AQR: variants seen among roughly 807,000 people sequenced by gnomAD.
AQR encodes the protein RNA helicase aquarius.
A neutral mutation model predicts 180.5 loss-of-function variants in AQR; 61 were observed. That is an observed-to-expected ratio of 0.34 (90% CI 0.28 to 0.42). The LOEUF (loss-of-function observed/expected upper bound fraction) is 0.42, where lower values mean the gene tolerates loss of function less well. Among genes scored for constraint, AQR ranks in the 10% least tolerant of loss-of-function variants. The pLI is 1.00. For missense variants in AQR, 1,281 were observed against 1,798.3 expected (o/e 0.71, Z 5.20); for synonymous variants, 551 against 588.8 (o/e 0.94, Z 0.93).
chr15:34,938,466 G>A (rs942672215), intron 9 of AQR, among the ~76,000 whole-genome samples: 34 of 152,276 alleles, frequency 2.2e-4, no homozygotes, highest in South Asian at 6.2e-4. Flanking sequence ...CCTGCTGGGG[G>A]AGGTTGCAGT....
Position 34,936,485 on chromosome 15 carries a change from G to C in AQR, c.719-1850C>G, listed in dbSNP as rs371582232. On this transcript the variant is annotated intron_variant, in intron 9 of 34. Transcript: ENST00000156471. ...AATCCCAGCACTTTGGGAGGCCGAG[G>C]AGGGTGGATCACTTGAGGTCAGGAG... is the stretch of plus-strand genomic sequence containing the variant. 7.2e-5 allele frequency among the ~76,000 whole-genome samples: 11 copies of C among 152,292 alleles called. 2 individuals carry two copies. The highest frequency in any genetic ancestry group is 1.9e-4 in the East Asian group (1 of 5,178).
intron 5 of AQR, 174 bp downstream of exon 5, chr15:34,948,090 G>T: frequency 1.7e-6 from 1 of 601,376 alleles, no homozygotes; most frequent in Non-Finnish European, 2.6e-6. Flanking sequence ...TTTGAAGAAA[G>T]TATTGAAACC....
chr15:34,919,071 T>C (rs781346408), intron 14 of AQR, among the ~76,000 whole-genome samples: 1 of 151,952 alleles, frequency 6.6e-6, no homozygotes, highest in Non-Finnish European at 1.5e-5. Context: ...AAACCCCATC[T>C]CTACTAAAAA....
chr15:34,859,675 G>A (rs1361620917), intron 34 of AQR, among the ~76,000 whole-genome samples: 1 of 152,142 alleles, frequency 6.6e-6, no homozygotes, highest in African/African-American at 2.4e-5. Flanking sequence ...ACAGAAAGCA[G>A]ATCCTTGGCT....
In AQR at chr15:34,884,724, C is replaced by T. The variant is rs1256597416; in HGVS notation, c.2828G>A (p.Arg943His). The change falls in exon 26 of 35, where the codon CGC (arginine) becomes CAC (histidine). Residue 943 changes from arginine to histidine, a missense_variant. Coordinates refer to ENST00000156471, the MANE Select transcript of AQR (RefSeq NM_014691.3). ...GYFFLYQVMS[R>H]WEEYISKVKN... ...CACTTTGCTGATATACTCTTCCCAG[C>T]GAGACATTACCTGTAGAAAAAAGGA... is the stretch of plus-strand genomic sequence containing the variant. 3.8e-6 allele frequency: 6 copies of T among 1,597,884 alleles called. No individual in the cohort carries two copies. The highest frequency in any genetic ancestry group is 1.7e-4 in the Middle Eastern group (1 of 5,846).
At chr15:34,953,443 T>C (rs1894263618) in intron 3 of AQR, among the ~76,000 whole-genome samples, 2 of 152,214 alleles carry the variant, frequency 1.3e-5, no homozygotes, top group Admixed American at 6.5e-5. Flanking sequence ...CACTAGATAA[T>C]TGTTTCCAGC....
At chr15:34,940,815 G>C in intron 8 of AQR, 84 bp downstream of exon 8, 2 of 1,031,664 alleles carry the variant, frequency 1.9e-6, no homozygotes, top group South Asian at 2.8e-5. Flanking sequence ...ACTATATAAA[G>C]GGAAACAACA....
chr15:34,890,839 A>T (rs544819010), intron 23 of AQR, among the ~76,000 whole-genome samples: 14 of 152,346 alleles, frequency 9.2e-5, no homozygotes, highest in Admixed American at 4.6e-4. Context: ...CATTTATTGC[A>T]AACTATTCTG....
intron 17 of AQR, among the ~76,000 whole-genome samples, chr15:34,908,688 T>C (rs990114502): frequency 6.6e-6 from 1 of 152,180 alleles, no homozygotes; most frequent in East Asian, 1.9e-4. Context: ...AAAAAGACTG[T>C]CTCATGTCCT....
intron 9 of AQR, among the ~76,000 whole-genome samples, chr15:34,937,994 G>GA (rs1391200841): frequency 2.0e-5 from 3 of 151,184 alleles, no homozygotes; most frequent in African/African-American, 7.3e-5. Flanking sequence ...TATGATGGAG[G>GA]AAAATCCTTC....
At chr15:34,940,649 A>G (rs2140496771) in intron 8 of AQR, among the ~76,000 whole-genome samples, 1 of 152,338 alleles carries the variant, frequency 6.6e-6, no homozygotes, top group East Asian at 1.9e-4. Context: ...AGGCAGGGAG[A>G]AAAACAGTGG....
chr15:34,926,067 T>A (rs1207386569), intron 13 of AQR, among the ~76,000 whole-genome samples: 1 of 151,920 alleles, frequency 6.6e-6, no homozygotes, highest in South Asian at 2.1e-4. Context: ...CTCAGGAGGC[T>A]GAGGCAGGAG....
intron 23 of AQR, among the ~76,000 whole-genome samples, chr15:34,893,389 C>G (rs1265730042): frequency 6.6e-6 from 1 of 152,054 alleles, no homozygotes; most frequent in Non-Finnish European, 1.5e-5. Flanking sequence ...CACGGGAAAC[C>G]AGGAGCTAAT....
At chr15:34,857,612 G>C (rs1337923345) in intron 34 of AQR, among the ~76,000 whole-genome samples, 1 of 152,126 alleles carries the variant, frequency 6.6e-6, no homozygotes. Context: ...TTAGCTGAGC[G>C]TGGTGGCAGG....
intron 27 of AQR, among the ~76,000 whole-genome samples, chr15:34,880,526 C>G (rs1438426177): frequency 2.6e-5 from 4 of 151,760 alleles, no homozygotes; most frequent in African/African-American, 9.7e-5. Flanking sequence ...AAACAGAAAA[C>G]TAAACAAACA....
chr15:34,959,239 T>C (rs1384990719), intron 3 of AQR, among the ~76,000 whole-genome samples: 1 of 152,214 alleles, frequency 6.6e-6, no homozygotes, highest in Admixed American at 6.5e-5. Context: ...TGTGGCTCAC[T>C]GAACCCTTAA....
intron 1 of AQR, among the ~76,000 whole-genome samples, chr15:34,965,748 C>G (rs2050307203): frequency 6.6e-6 from 1 of 152,186 alleles, no homozygotes; most frequent in Non-Finnish European, 1.5e-5. Flanking sequence ...ACCTCACCCC[C>G]AGTTATTCTG....
Position 34,906,360 on chromosome 15 carries a change from G to A in AQR, c.1831+185C>T, listed in dbSNP as rs552787507. Among the ~76,000 whole-genome samples the A allele has an allele frequency of 1.2e-4, 19 of 152,270 alleles. No individual in the cohort carries two copies. In the East Asian group the frequency reaches 3.5e-3, roughly 28 times the overall value. ...AACTCCAGCCTGTGTGACACAGTGA[G>A]AAACCATGTTACCTATATCTAAAAC... On this transcript the variant is annotated intron_variant, in intron 18 of 34. Coordinates refer to ENST00000156471, the MANE Select transcript of AQR (RefSeq NM_014691.3).
chr15:34,911,372 C>T lies in AQR; in HGVS notation c.1485-1059G>A, dbSNP rs556613788. 1.4e-4 allele frequency among the ~76,000 whole-genome samples: 21 copies of T among 152,250 alleles called. No homozygotes were observed. In the South Asian group the frequency reaches 4.3e-3, roughly 32 times the overall value. On this transcript the variant is annotated intron_variant, in intron 16 of 34. Transcript: ENST00000156471. ...AATTTTTTGAGGAACCTCCATACTG[C>T]TTTCCATAATGGCTGCACTAATTGA...
Sources: allele counts gnomAD v4.1 joint callset (sites outside exome capture counted in the v4.1 genomes callset), GRCh38; gene constraint gnomAD v4.1.1; transcripts MANE v1.5; gene names NCBI Gene and HGNC (gene_info 2026-07-23, HGNC 2026-07-21).